GNAT3: variants seen among roughly 807,000 people sequenced by gnomAD.
GNAT3 encodes the protein G protein subunit alpha transducin 3, also known as guanine nucleotide-binding protein G(t) subunit alpha-3.
Under a neutral mutation model 37.7 loss-of-function variants are expected in GNAT3, and 31 were observed. That is an observed-to-expected ratio of 0.82 (90% CI 0.62 to 1.11). The LOEUF (loss-of-function observed/expected upper bound fraction) is 1.11, where lower values mean the gene tolerates loss of function less well. GNAT3 is among the 50% of genes most tolerant of loss of function. The probability of loss-of-function intolerance (pLI) is 0.00; values close to 1 mark genes in which losing one functional copy is unlikely to be tolerated. For synonymous variants in GNAT3, 138 were observed against 139.8 expected (o/e 0.99, Z 0.09); for missense variants, 437 against 412.5 (o/e 1.06, Z -0.51).
rs578223197 is a variant in GNAT3, at chr7:80,491,384, T to G, written c.162-2708A>C. 2.0e-5 allele frequency among the ~76,000 whole-genome samples: 3 copies of G among 152,294 alleles called. No homozygotes were observed. In the South Asian group the frequency reaches 6.2e-4, roughly 32 times the overall value. ...AGTAGATGTATCTGCCTCTCTAGTTTAGACAAAGTGTGTGAGTTTGAAAGA... is the reference window on the plus strand; with the variant it reads ...AGTAGATGTATCTGCCTCTCTAGTTGAGACAAAGTGTGTGAGTTTGAAAGA... On this transcript the variant is annotated intron_variant, in intron 2 of 7. Transcript: ENST00000398291.
intron 2 of GNAT3, among the ~76,000 whole-genome samples, chr7:80,493,644 TC>T: frequency 8.9e-6 from 1 of 112,234 alleles, no homozygotes; most frequent in African/African-American, 4.5e-5. Context: ...TCTTTCCTCC[TC>T]CTCCTCCTCT....
chr7:80,504,960 C>A (rs1790904287), intron 1 of GNAT3, among the ~76,000 whole-genome samples: 1 of 152,092 alleles, frequency 6.6e-6, no homozygotes, highest in Non-Finnish European at 1.5e-5. Flanking sequence ...AAATTTAAAA[C>A]GTGATATGTG....
rs557094909 is a variant in GNAT3 at position 80,460,475 on chromosome 7, G to A, written c.875-1614C>T. Among the ~76,000 whole-genome samples the A allele has an allele frequency of 1.1e-4, 17 of 152,252 alleles. No homozygotes were observed. In the South Asian group the frequency reaches 1.5e-3, roughly 13 times the overall value. On this transcript the variant is annotated intron_variant, in intron 7 of 7. Transcript: ENST00000398291. ...CCCTAATTAAATGATGGACTTGGCC[G>A]GGGACGGTGGCTCATGCCTGTAATC... is the stretch of plus-strand genomic sequence containing the variant.
At chr7:80,500,107 T>C (rs1790805401) in intron 1 of GNAT3, among the ~76,000 whole-genome samples, 1 of 152,134 alleles carries the variant, frequency 6.6e-6, no homozygotes, top group Admixed American at 6.5e-5. Flanking sequence ...TACTGAAAAT[T>C]ATGCTGTAGA....
At chr7:80,465,183 T>C (rs1157328100) in intron 5 of GNAT3, among the ~76,000 whole-genome samples, 2 of 152,176 alleles carry the variant, frequency 1.3e-5, no homozygotes, top group Non-Finnish European at 2.9e-5. Flanking sequence ...TTAGTGTTTT[T>C]CAGACTTCGT....
At chr7:80,475,784 AG>A (rs1417356869) in intron 4 of GNAT3, among the ~76,000 whole-genome samples, 2 of 152,180 alleles carry the variant, frequency 1.3e-5, no homozygotes, top group African/African-American at 2.4e-5. Flanking sequence ...AAACAAATTA[AG>A]GTTGGACAAG....
At chr7:80,511,749 A>T in intron 1 of GNAT3, 60 bp downstream of exon 1, 1 of 938,044 alleles carries the variant, frequency 1.1e-6, no homozygotes, top group Non-Finnish European at 1.7e-6. Context: ...TGAGAAAAGT[A>T]AATATATCAC....
chr7:80,499,545 G>T (rs1790795486), intron 1 of GNAT3, among the ~76,000 whole-genome samples: 1 of 152,108 alleles, frequency 6.6e-6, no homozygotes, highest in African/African-American at 2.4e-5. Context: ...CCTACACCTG[G>T]CCTTGAAAGC....
intron 1 of GNAT3, among the ~76,000 whole-genome samples, chr7:80,496,847 ACTTTT>A (rs925089963): frequency 4.0e-5 from 6 of 149,142 alleles, no homozygotes; most frequent in East Asian, 3.9e-4. Context: ...ATTCAGGACA[ACTTTT>A]CTTTTTTTTT....
intron 4 of GNAT3, among the ~76,000 whole-genome samples, chr7:80,475,667 T>C (rs1689437704): frequency 6.6e-6 from 1 of 152,056 alleles, no homozygotes; most frequent in Non-Finnish European, 1.5e-5. Context: ...TGTTACGCCT[T>C]AGCACCTAGC....
rs754843675 is a variant in GNAT3, at chr7:80,474,244, A to G, written c.590+7T>C. The G allele has an allele frequency of 5.6e-6, 9 of 1,603,560 alleles. 2 individuals carry two copies. In the South Asian group the frequency reaches 1.0e-4, roughly 18 times the overall value. ...TGTCTACAGTTAGAAAAGATATTTG[A>G]TCATACCTGAAGTGCAAGTCTTTAA... is the stretch of plus-strand genomic sequence containing the variant. On this transcript the variant is annotated splice_region_variant and intron_variant, in intron 5 of 7. Coordinates refer to ENST00000398291, the MANE Select transcript of GNAT3 (RefSeq NM_001102386.3).
intron 3 of GNAT3, 21 bp from the exon 4 acceptor site, chr7:80,479,019 G>A (rs1279666046): frequency 2.6e-6 from 4 of 1,523,448 alleles, no homozygotes; most frequent in African/African-American, 1.4e-5. Context: ...ATTTTGGTGA[G>A]AATAAGTATG....
At chr7:80,471,364 ATTAAG>A (rs937514946) in intron 5 of GNAT3, among the ~76,000 whole-genome samples, 38 of 151,788 alleles carry the variant, frequency 2.5e-4, no homozygotes, top group African/African-American at 8.4e-4. Flanking sequence ...CTTCGATCCA[ATTAAG>A]TTGACACTCA....
At chr7:80,465,697 G>A (rs1282662011) in intron 5 of GNAT3, among the ~76,000 whole-genome samples, 1 of 152,088 alleles carries the variant, frequency 6.6e-6, no homozygotes, top group African/African-American at 2.4e-5. Context: ...TCACTGTGGA[G>A]TCTATCCTTC....
chr7:80,480,546 TGAAG>T (rs1267653427), intron 3 of GNAT3, among the ~76,000 whole-genome samples: 1 of 151,958 alleles, frequency 6.6e-6, no homozygotes, highest in Non-Finnish European at 1.5e-5. Flanking sequence ...ATTCAGAAAG[TGAAG>T]GAATAAAAGA....
At chr7:80,474,217 T>C (rs1210429445) in intron 5 of GNAT3, 34 bp downstream of exon 5, 3 of 1,590,956 alleles carry the variant, frequency 1.9e-6, no homozygotes, top group Non-Finnish European at 2.6e-6. Context: ...GATGCATACT[T>C]CTGTCTACAG....
intron 3 of GNAT3, among the ~76,000 whole-genome samples, chr7:80,482,386 G>A (rs1790405009): frequency 6.6e-6 from 1 of 152,114 alleles, no homozygotes; most frequent in Non-Finnish European, 1.5e-5. Flanking sequence ...TCCCTAAGGA[G>A]AAAAAATTAT....
At chr7:80,464,442 T>C (rs1445627217) in intron 5 of GNAT3, among the ~76,000 whole-genome samples, 1 of 152,120 alleles carries the variant, frequency 6.6e-6, no homozygotes, top group African/African-American at 2.4e-5. Context: ...GTGGATTTAC[T>C]GGTCCTTTCA....
At chr7:80,496,699 C>A (rs1367797190) in intron 1 of GNAT3, among the ~76,000 whole-genome samples, 2 of 152,162 alleles carry the variant, frequency 1.3e-5, no homozygotes, top group East Asian at 3.8e-4. Context: ...CAAATGAATT[C>A]TTTGACTCAT....
Sources: gnomAD v4.1 joint callset for allele counts (sites outside exome capture counted in the v4.1 genomes callset) on GRCh38, gnomAD v4.1.1 for gene constraint, MANE v1.5 for transcripts, NCBI Gene and HGNC (gene_info 2026-07-23, HGNC 2026-07-21) for gene names.